The following TF variants were observed in gnomAD, a reference collection of about 807,000 sequenced individuals.
TF encodes transferrin.
TF carries 55 observed loss-of-function variants against 82.4 expected under a neutral mutation model. That is an observed-to-expected ratio of 0.67 (90% CI 0.54 to 0.84). The LOEUF (loss-of-function observed/expected upper bound fraction) is 0.84. Ranked by LOEUF, TF falls within the 40% of genes least tolerant of loss-of-function variation. TF has a pLI of 0.00. For synonymous variants in TF, 332 were observed against 332.6 expected (o/e 1.00, Z 0.02); for missense variants, 737 against 868.4 (o/e 0.85, Z 1.90).
chr3:133,765,444 C>A (rs1334559616), intron 11 of TF, among the ~76,000 whole-genome samples: 1 of 152,208 alleles, frequency 6.6e-6, no homozygotes, highest in Non-Finnish European at 1.5e-5. Context: ...GGTAAGGGTA[C>A]ATCTGAAGAA....
At chr3:133,715,725 G>C in the TF span, among the ~76,000 whole-genome samples, 2 of 152,034 alleles carry the variant, frequency 1.3e-5, no homozygotes, top group Non-Finnish European at 2.9e-5. Context: ...ACATGGAGTT[G>C]GTTTTATTAT....
intron 9 of TF, among the ~76,000 whole-genome samples, chr3:133,763,280 A>T (rs377193207): frequency 1.1e-4 from 16 of 152,344 alleles, no homozygotes; most frequent in East Asian, 7.7e-4. Flanking sequence ...GTGAAATTAC[A>T]TACATTTCAA....
rs998308290 is a variant in TF, at chr3:133,784,168, G to A, written c.*5548G>A. On this transcript the variant is annotated 3_prime_UTR_variant, in exon 17 of 17. Transcript: ENST00000402696. ...AGGTGAGGGGAGTCCGGCAATGAGG[G>A]GTGGTAGGGTTAGCGGCCATCGCCC... 2.6e-5 allele frequency: 4 copies of A among 152,362 alleles called. No homozygotes were observed. The highest frequency in any genetic ancestry group is 7.2e-5 in the African/African-American group (3 of 41,462). The allele number at this position is 152,362 out of a possible 1,614,324, so 9.4% of individuals were successfully genotyped here. A position where few individuals can be genotyped will look rare whatever the true frequency, so the allele number is the denominator to read the frequency against.
At chr3:133,665,039 C>G in the TF span, 106 of 152,220 alleles carry the variant, frequency 7.0e-4, no homozygotes, top group Non-Finnish European at 1.4e-3. Context: ...ATTTGCCGGT[C>G]GTGGTGACTC....
At chr3:133,761,033 A>G (rs148745272) in intron 9 of TF, 1 of 154,076 alleles carries the variant, frequency 6.5e-6, no homozygotes, top group Non-Finnish European at 1.5e-5. Flanking sequence ...CAATTTCCCA[A>G]GGTTGTTATC....
chr3:133,672,500 A>G, the TF span, among the ~76,000 whole-genome samples: 17 of 152,144 alleles, frequency 1.1e-4, no homozygotes, highest in Non-Finnish European at 2.5e-4. Context: ...CAATATGTAA[A>G]AAAATGTTAT....
At chr3:133,716,162 TTC>T in the TF span, among the ~76,000 whole-genome samples, 1 of 152,174 alleles carries the variant, frequency 6.6e-6, no homozygotes, top group African/African-American at 2.4e-5. Flanking sequence ...CTTGGAGTTC[TTC>T]TCTCTGCTGC....
chr3:133,736,474 G>A, the TF span, among the ~76,000 whole-genome samples: 3 of 151,782 alleles, frequency 2.0e-5, no homozygotes, highest in Admixed American at 6.6e-5. Context: ...TAATGTAAAC[G>A]GGCTAAGTGC....
chr3:133,725,130 G>A, the TF span, among the ~76,000 whole-genome samples: 2 of 152,170 alleles, frequency 1.3e-5, no homozygotes, highest in African/African-American at 2.4e-5. Context: ...GATTGACTTG[G>A]CGATGGGGGC....
the TF span, among the ~76,000 whole-genome samples, chr3:133,679,569 CTTTTTTTTTT>C: frequency 5.4e-4 from 41 of 75,392 alleles, no homozygotes; most frequent in African/African-American, 2.0e-3. Flanking sequence ...CTTTGTTTGG[CTTTTTTTTTT>C]TTTTTTTTTT....
the TF span, among the ~76,000 whole-genome samples, chr3:133,668,786 T>C: frequency 2.6e-5 from 4 of 152,156 alleles, no homozygotes; most frequent in South Asian, 2.1e-4. Flanking sequence ...GCCAGAGGGC[T>C]AGAGGATTTA....
the TF span, among the ~76,000 whole-genome samples, chr3:133,679,418 A>G: frequency 5.9e-5 from 9 of 152,186 alleles, no homozygotes; most frequent in African/African-American, 2.2e-4. Flanking sequence ...CGCAAATATA[A>G]CTATCCACGT....
intron 2 of TF, 160 bp downstream of exon 2, chr3:133,748,744 C>T (rs1433980487): frequency 1.1e-6 from 1 of 940,784 alleles, no homozygotes; most frequent in Non-Finnish European, 1.7e-6. Flanking sequence ...GGGAGGTTTT[C>T]TTTAATGTGT....
the TF span, among the ~76,000 whole-genome samples, chr3:133,663,480 G>A: frequency 4.1e-5 from 6 of 147,390 alleles, no homozygotes; most frequent in Non-Finnish European, 7.6e-5. Context: ...AATCACTAGA[G>A]GTGGGAAAAA....
chr3:133,670,915 A>T, the TF span, among the ~76,000 whole-genome samples: 1 of 152,254 alleles, frequency 6.6e-6, no homozygotes, highest in Non-Finnish European at 1.5e-5. Flanking sequence ...CAGAGAAGCC[A>T]GCCGAACTGA....
In TF at chr3:133,778,744, C is replaced by A; in HGVS notation, c.*124C>A. The A allele has an allele frequency of 1.1e-6, 1 of 895,716 alleles. No individual in the cohort carries two copies. The highest frequency in any genetic ancestry group is 1.8e-6 in the Non-Finnish European group (1 of 563,188). 55.5% of individuals were successfully genotyped at this position (895,716 alleles called of 1,614,324 possible). Reference sequence around the variant, plus strand: ...CGTCTGTCTTCACAGCTCTGTGTTGCCATGTGTGCTGAACAAAAAATAAAA... The same window carrying A: ...CGTCTGTCTTCACAGCTCTGTGTTGACATGTGTGCTGAACAAAAAATAAAA... On this transcript the variant is annotated 3_prime_UTR_variant, in exon 17 of 17. Transcript: ENST00000402696.
At chr3:133,685,380 G>C in the TF span, among the ~76,000 whole-genome samples, 14 of 152,120 alleles carry the variant, frequency 9.2e-5, no homozygotes, top group African/African-American at 2.4e-4. Flanking sequence ...AGAAACAAAG[G>C]GTATTCGATT....
In TF at chr3:133,766,254, C is replaced by G. The variant is rs376090568; in HGVS notation, c.1331-24C>G. The G allele has an allele frequency of 2.5e-6, 4 of 1,613,502 alleles. No homozygotes were observed. In the African/African-American group the frequency reaches 5.3e-5, roughly 22 times the overall value. Reference sequence around the variant, plus strand: ...GGAAGCCCCAGAGGTGTTAATACATCCTTTTCTGGTGTCTTTCTTGTAGGG... The same window carrying G: ...GGAAGCCCCAGAGGTGTTAATACATGCTTTTCTGGTGTCTTTCTTGTAGGG... On this transcript the variant is annotated intron_variant, in intron 11 of 16. Transcript: ENST00000402696.
At chr3:133,732,702 T>A in the TF span, among the ~76,000 whole-genome samples, 1 of 152,160 alleles carries the variant, frequency 6.6e-6, no homozygotes, top group African/African-American at 2.4e-5. Context: ...TCCAGACACG[T>A]CTGAACATCA....
Sources: gnomAD v4.1 joint callset for allele counts (sites outside exome capture counted in the v4.1 genomes callset) on GRCh38, gnomAD v4.1.1 for gene constraint, MANE v1.5 for transcripts, NCBI Gene and HGNC (gene_info 2026-07-23, HGNC 2026-07-21) for gene names.